The following TRIO variants were observed in gnomAD, a reference collection of about 807,000 sequenced individuals.
TRIO encodes the protein trio Rho guanine nucleotide exchange factor, also known as triple functional domain protein.
Under a neutral mutation model 351.9 loss-of-function variants are expected in TRIO, and 58 were observed. The ratio of observed to expected loss-of-function variants is 0.16; its 90% CI spans 0.13 to 0.21. The LOEUF is 0.21. TRIO is among the 10% of genes least tolerant of loss of function. TRIO has a pLI of 1.00. For synonymous variants in TRIO, 1,758 were observed against 1,595.7 expected, an observed-to-expected ratio of 1.10 and a Z score of -2.42; for missense variants, 3,201 against 4,027.8, an observed-to-expected ratio of 0.79 and a Z score of 5.56.
intron 8 of TRIO, among the ~76,000 whole-genome samples, chr5:14,305,615 A>G (rs556272666): frequency 6.6e-6 from 1 of 152,346 alleles, no homozygotes; most frequent in East Asian, 1.9e-4. Flanking sequence ...TCTTGATCCA[A>G]ACACATCCAA....
intron 3 of TRIO, 113 bp downstream of exon 3, chr5:14,280,549 A>G: frequency 1.1e-6 from 1 of 887,738 alleles, no homozygotes; most frequent in Non-Finnish European, 1.8e-6. Flanking sequence ...AAAGTAGTAT[A>G]AAATGAAAGT....
intron 7 of TRIO, among the ~76,000 whole-genome samples, chr5:14,303,061 T>TG (rs1228061921): frequency 7.0e-6 from 1 of 142,860 alleles, no homozygotes; most frequent in African/African-American, 2.6e-5. Flanking sequence ...ATCCTGGAGA[T>TG]GGGGGGTGTC....
At chr5:14,418,982 T>TA (rs1354530374) in intron 33 of TRIO, among the ~76,000 whole-genome samples, 1 of 152,056 alleles carries the variant, frequency 6.6e-6, no homozygotes, top group Non-Finnish European at 1.5e-5. Flanking sequence ...TGTGTGTTGT[T>TA]AGAGAGTTTA....
chr5:14,391,140 G>T, intron 27 of TRIO, 150 bp downstream of exon 27: 1 of 604,326 alleles, frequency 1.7e-6, no homozygotes, highest in Non-Finnish European at 2.8e-6. Context: ...TGTCTATTGG[G>T]CTATTCTTCT....
chr5:14,211,760 A>G (rs1421112228), intron 1 of TRIO, among the ~76,000 whole-genome samples: 1 of 152,062 alleles, frequency 6.6e-6, no homozygotes, highest in East Asian at 1.9e-4. Context: ...AAATAGTACT[A>G]TGAAGAGAAA....
chr5:14,488,301 C>T (rs1756183560), intron 48 of TRIO, 41 bp downstream of exon 48: 2 of 1,518,350 alleles, frequency 1.3e-6, no homozygotes, highest in African/African-American at 1.4e-5. Flanking sequence ...GCCCCCCTGC[C>T]TCTGTCCCGC....
At chr5:14,209,193 A>G (rs1791727035) in intron 1 of TRIO, among the ~76,000 whole-genome samples, 2 of 152,250 alleles carry the variant, frequency 1.3e-5, no homozygotes, top group African/African-American at 4.8e-5. Context: ...TGTTATGACC[A>G]TAGAGCCCTA....
At chr5:14,310,929 G>A (rs918635134) in intron 8 of TRIO, among the ~76,000 whole-genome samples, 3 of 152,110 alleles carry the variant, frequency 2.0e-5, no homozygotes, top group South Asian at 2.1e-4. Flanking sequence ...CAAGTGATCC[G>A]CCCACCTCGG....
intron 1 of TRIO, among the ~76,000 whole-genome samples, chr5:14,145,521 G>T (rs1236382983): frequency 2.0e-5 from 3 of 149,224 alleles, no homozygotes; most frequent in South Asian, 4.2e-4. Context: ...TTTTTGGTGC[G>T]ACTGGCCAGA....
In TRIO at chr5:14,207,674, T is replaced by C. The variant is rs529500556; in HGVS notation, c.158-63151T>C. 2.0e-5 allele frequency among the ~76,000 whole-genome samples: 3 copies of C among 151,992 alleles called. No individual in the cohort carries two copies. The East Asian group carries it at 5.8e-4, about 29-fold the overall frequency. The stretch of plus-strand genomic sequence containing the variant: ...GTGAGCTGTGATCGTGCCACTGTAC[T>C]CAACTCCACCCTGGGCAATAGAGCA... On this transcript the variant is annotated intron_variant, in intron 1 of 56. Coordinates refer to ENST00000344204, the MANE Select transcript of TRIO (RefSeq NM_007118.4).
chr5:14,159,734 T>G (rs1360004394), intron 1 of TRIO, among the ~76,000 whole-genome samples: 1 of 152,148 alleles, frequency 6.6e-6, no homozygotes, highest in East Asian at 1.9e-4. Flanking sequence ...AGCTCATTTA[T>G]TTTTGCATTT....
chr5:14,314,638 G>A (rs965306600), intron 8 of TRIO, among the ~76,000 whole-genome samples: 1 of 152,202 alleles, frequency 6.6e-6, no homozygotes, highest in African/African-American at 2.4e-5. Context: ...AAACAGCCTT[G>A]CCTAGATGAT....
chr5:14,417,293 A>C (rs1749728886), intron 33 of TRIO, among the ~76,000 whole-genome samples: 1 of 152,212 alleles, frequency 6.6e-6, no homozygotes, highest in African/African-American at 2.4e-5. Flanking sequence ...CACTTTGTTG[A>C]TACTGTGCTT....
chr5:14,346,572 G>A (rs752595306), intron 11 of TRIO, among the ~76,000 whole-genome samples: 9 of 152,230 alleles, frequency 5.9e-5, no homozygotes, highest in Non-Finnish European at 1.2e-4. Flanking sequence ...TCAGAGTGAG[G>A]TTAATCCTAG....
At position 14,278,047 on chromosome 5, in the gene TRIO, T is replaced by G. The variant is rs1357824814; in HGVS notation, c.233-2275T>G. 3.3e-5 allele frequency among the ~76,000 whole-genome samples: 5 copies of G among 152,252 alleles called. No homozygotes were observed. The East Asian group carries it at 9.6e-4, about 29-fold the overall frequency. On this transcript the variant is annotated intron_variant, in intron 2 of 56. Coordinates refer to ENST00000344204, the MANE Select transcript of TRIO (RefSeq NM_007118.4). ...AAAGGAAAAGTGAAAATTTTTCCTC[T>G]ATCTTAAAATTCAGATTCAGGTGTC... is the stretch of plus-strand genomic sequence containing the variant.
At chr5:14,240,328 A>G (rs898817302) in intron 1 of TRIO, among the ~76,000 whole-genome samples, 26 of 152,096 alleles carry the variant, frequency 1.7e-4, no homozygotes, top group African/African-American at 6.3e-4. Context: ...TCAAATCATG[A>G]GCTTCTCAGT....
At chr5:14,293,971 A>G (rs1359307812) in intron 6 of TRIO, among the ~76,000 whole-genome samples, 1 of 151,632 alleles carries the variant, frequency 6.6e-6, no homozygotes. Flanking sequence ...CATTAAAGCA[A>G]TATGAACCGG....
intron 1 of TRIO, among the ~76,000 whole-genome samples, chr5:14,185,528 C>G (rs990686555): frequency 6.6e-6 from 1 of 152,232 alleles, no homozygotes; most frequent in African/African-American, 2.4e-5. Flanking sequence ...CCCTTGCCAC[C>G]TGCCCCTGCC....
intron 1 of TRIO, among the ~76,000 whole-genome samples, chr5:14,184,264 C>T (rs35685241): frequency 1.8e-3 from 273 of 152,272 alleles, no homozygotes; most frequent in African/African-American, 6.3e-3. Context: ...CCGAAGGGAG[C>T]ACTGTGCGCT....
Sources: allele counts gnomAD v4.1 joint callset (sites outside exome capture counted in the v4.1 genomes callset), GRCh38; gene constraint gnomAD v4.1.1; transcripts MANE v1.5; gene names NCBI Gene and HGNC (gene_info 2026-07-23, HGNC 2026-07-21).